Variants in NRXN3 observed in about 807,000 individuals in gnomAD.
NRXN3 encodes the protein neurexin 3.
Under a neutral mutation model 137.6 loss-of-function variants are expected in NRXN3, and 32 were observed. The observed-to-expected ratio is 0.23, with a 90% CI of 0.18 to 0.31. The LOEUF is 0.31. Among genes scored for constraint, NRXN3 ranks in the 10% least tolerant of loss-of-function variants. The pLI, the probability that NRXN3 is intolerant of heterozygous loss-of-function variation, is 1.00. For synonymous variants in NRXN3, 798 were observed against 784.5 expected, an observed-to-expected ratio of 1.02 and a Z score of -0.29; for missense variants, 1,574 against 2,062.5, an observed-to-expected ratio of 0.76 and a Z score of 4.59.
At chr14:78,928,592 T>C (rs2099312863) in intron 10 of NRXN3, among the ~76,000 whole-genome samples, 1 of 152,122 alleles carries the variant, frequency 6.6e-6, no homozygotes, top group Non-Finnish European at 1.5e-5. Flanking sequence ...AGAATGATGG[T>C]TTCCAGCTTC....
intron 19 of NRXN3, among the ~76,000 whole-genome samples, chr14:79,739,192 T>C (rs775040620): frequency 1.3e-5 from 2 of 152,130 alleles, no homozygotes; most frequent in African/African-American, 2.4e-5. Context: ...GTATGTTCTG[T>C]GACAAAGAGA....
intron 15 of NRXN3, among the ~76,000 whole-genome samples, chr14:79,218,722 A>T (rs574271869): frequency 2.0e-5 from 3 of 152,204 alleles, no homozygotes; most frequent in Admixed American, 1.3e-4. Context: ...GGTTTATTTG[A>T]GAACAACAAC....
chr14:78,820,295 T>C (rs951014847), intron 10 of NRXN3, among the ~76,000 whole-genome samples: 2 of 149,710 alleles, frequency 1.3e-5, no homozygotes, highest in Non-Finnish European at 3.0e-5. Context: ...AAAGATAATA[T>C]AATTTGAATT....
At chr14:79,592,278 G>A (rs1471317458) in intron 16 of NRXN3, among the ~76,000 whole-genome samples, 4 of 152,092 alleles carry the variant, frequency 2.6e-5, no homozygotes, top group Non-Finnish European at 4.4e-5. Flanking sequence ...TCAAAGATTT[G>A]AAAAAGTCAG....
chr14:78,503,367 G>A (rs2095916822), intron 4 of NRXN3, among the ~76,000 whole-genome samples: 1 of 152,164 alleles, frequency 6.6e-6, no homozygotes, highest in African/African-American at 2.4e-5. Flanking sequence ...GAGAACAACA[G>A]ACAACAGGTG....
intron 16 of NRXN3, among the ~76,000 whole-genome samples, chr14:79,529,206 T>C (rs1000152217): frequency 6.6e-6 from 1 of 151,818 alleles, no homozygotes; most frequent in African/African-American, 2.4e-5. Context: ...CGTGAAAGGG[T>C]GGTGATTGAT....
intron 19 of NRXN3, among the ~76,000 whole-genome samples, chr14:79,777,514 T>C (rs531745659): frequency 1.3e-5 from 2 of 151,854 alleles, no homozygotes; most frequent in African/African-American, 4.8e-5. Flanking sequence ...AAGTAGTACC[T>C]GGCATGTAAA....
At chr14:78,783,296 C>G (rs2098776575) in intron 8 of NRXN3, among the ~76,000 whole-genome samples, 1 of 152,064 alleles carries the variant, frequency 6.6e-6, no homozygotes, top group South Asian at 2.1e-4. Flanking sequence ...AACTTCTCTC[C>G]AATCCTGAAA....
At chr14:78,382,366 AG>A (rs1381791993) in intron 4 of NRXN3, among the ~76,000 whole-genome samples, 1 of 152,200 alleles carries the variant, frequency 6.6e-6, no homozygotes, top group Non-Finnish European at 1.5e-5. Context: ...ACATGATGAA[AG>A]TAGATAGAAC....
intron 4 of NRXN3, among the ~76,000 whole-genome samples, chr14:78,524,574 AACAACT>A (rs2096347183): frequency 6.6e-6 from 1 of 152,094 alleles, no homozygotes; most frequent in Non-Finnish European, 1.5e-5. Context: ...TTTTTTTTAT[AACAACT>A]TCCCCAGGCG....
At chr14:78,426,038 A>C (rs1432601744) in intron 4 of NRXN3, among the ~76,000 whole-genome samples, 1 of 152,180 alleles carries the variant, frequency 6.6e-6, no homozygotes, top group Non-Finnish European at 1.5e-5. Context: ...AGCCAGGAGC[A>C]GGCATCACCT....
intron 16 of NRXN3, among the ~76,000 whole-genome samples, chr14:79,638,977 G>A (rs893704031): frequency 6.6e-6 from 1 of 152,154 alleles, no homozygotes; most frequent in African/African-American, 2.4e-5. Context: ...GGAGGAACAA[G>A]CAAGGTGGTA....
At chr14:78,738,838 C>T (rs1369217020) in intron 8 of NRXN3, among the ~76,000 whole-genome samples, 1 of 152,094 alleles carries the variant, frequency 6.6e-6, no homozygotes, top group Admixed American at 6.6e-5. Context: ...AATAAGAAGG[C>T]AGATGGAAGA....
intron 4 of NRXN3, among the ~76,000 whole-genome samples, chr14:78,612,289 C>T (rs1264954624): frequency 3.3e-5 from 5 of 152,090 alleles, no homozygotes; most frequent in Non-Finnish European, 7.4e-5. Flanking sequence ...TTCTTTGGGT[C>T]TTGAAAGGAT....
At chr14:78,757,409 T>TAAAAA (rs59969129) in intron 8 of NRXN3, among the ~76,000 whole-genome samples, 9,972 of 138,434 alleles carry the variant, frequency 0.072, 693 homozygotes, top group African/African-American at 0.17. Context: ...TTCCATCTCT[T>TAAAAA]AAAAAAAAAA....
chr14:78,475,293 C>T (rs17107707), intron 4 of NRXN3, among the ~76,000 whole-genome samples: 3,125 of 152,214 alleles, frequency 0.021, 96 homozygotes, highest in African/African-American at 0.072. Flanking sequence ...TTGCAACTCC[C>T]GCAGAGGTTA....
intron 10 of NRXN3, among the ~76,000 whole-genome samples, chr14:78,902,349 C>T (rs1462821720): frequency 6.6e-6 from 1 of 152,020 alleles, no homozygotes; most frequent in African/African-American, 2.4e-5. Context: ...TTGGTCACCA[C>T]TTATGTATTT....
intron 8 of NRXN3, among the ~76,000 whole-genome samples, chr14:78,720,787 A>G (rs758663282): frequency 3.9e-5 from 6 of 152,218 alleles, no homozygotes; most frequent in Non-Finnish European, 8.8e-5. Flanking sequence ...TAAAATTTCT[A>G]TATTCTCAAC....
At chr14:79,277,248 G>A (rs564521228) in intron 15 of NRXN3, among the ~76,000 whole-genome samples, 7 of 152,092 alleles carry the variant, frequency 4.6e-5, no homozygotes, top group African/African-American at 1.7e-4. Context: ...AACTTCCCAC[G>A]ATCAAAGCAG....
Sources: allele counts gnomAD v4.1 joint callset (sites outside exome capture counted in the v4.1 genomes callset), GRCh38; gene constraint gnomAD v4.1.1; transcripts MANE v1.5; gene names NCBI Gene and HGNC (gene_info 2026-07-23, HGNC 2026-07-21).